DENND1C: variants seen among roughly 807,000 people sequenced by gnomAD.
The protein encoded by DENND1C is DENN domain containing 1C, also known as DENN domain-containing protein 1C.
In DENND1C, 64 loss-of-function variants were observed where a neutral mutation model predicts 87.9. The ratio of observed to expected loss-of-function variants is 0.73; its 90% CI spans 0.60 to 0.90. The LOEUF (loss-of-function observed/expected upper bound fraction) is 0.90. Among genes scored for constraint, DENND1C ranks in the 40% least tolerant of loss-of-function variants. DENND1C has a pLI of 0.00. For missense variants in DENND1C, 980 were observed against 1,037.0 expected (o/e 0.95, Z 0.76); for synonymous variants, 384 against 424.4 (o/e 0.90, Z 1.17).
chr19:6,479,591 AG>A, intron 4 of DENND1C, 77 bp downstream of exon 4: 1 of 1,573,418 alleles, frequency 6.4e-7, no homozygotes, highest in Non-Finnish European at 8.7e-7. Flanking sequence ...CAGATGTCTG[AG>A]TCTCTAGGTG....
At chr19:6,478,545 A>G (rs538150050) in intron 6 of DENND1C, among the ~76,000 whole-genome samples, 2 of 151,732 alleles carry the variant, frequency 1.3e-5, no homozygotes, top group Non-Finnish European at 2.9e-5. Flanking sequence ...CGTGAGCCAC[A>G]GCACTTGGCC....
At chr19:6,469,457 A>AT (rs34754900) in intron 19 of DENND1C, 139 bp downstream of exon 19, 77 of 818,376 alleles carry the variant, frequency 9.4e-5, no homozygotes, top group Non-Finnish European at 1.3e-4. Flanking sequence ...ATTTTTAACT[A>AT]TTTTTTTGTA....
intron 7 of DENND1C, 36 bp downstream of exon 7, chr19:6,477,342 C>A (rs1175719654): frequency 1.2e-6 from 2 of 1,612,248 alleles, no homozygotes. Flanking sequence ...TCCCATCCAC[C>A]TAAGGTCCAG....
chr19:6,479,511 G>C (rs1214779663), intron 4 of DENND1C, among the ~76,000 whole-genome samples, 158 bp downstream of exon 4: 2 of 151,322 alleles, frequency 1.3e-5, no homozygotes, highest in Non-Finnish European at 2.9e-5. Flanking sequence ...AATGTATATA[G>C]GTCCCTAGTT....
Position 6,475,600 on chromosome 19 carries a change from G to C in DENND1C, c.826-15C>G. ...TCTCGTACTCTCTGCGGAAAAGCGG[G>C]GTCGGCCGCTCAGAGCCCGGGAGTC... On this transcript the variant is annotated splice_polypyrimidine_tract_variant and intron_variant, in intron 12 of 22. Transcript: ENST00000381480. 6.2e-7 allele frequency: 1 copy of C among 1,613,990 alleles called. No individual in the cohort carries two copies. The highest frequency in any genetic ancestry group is 8.5e-7 in the Non-Finnish European group (1 of 1,179,862).
intron 10 of DENND1C, chr19:6,476,330 T>A (rs535815440): frequency 5.1e-6 from 1 of 196,996 alleles, no homozygotes; most frequent in Admixed American, 5.9e-5. Flanking sequence ...CCCAAAGAGG[T>A]GGAGCCGGAA....
Position 6,475,735 on chromosome 19 carries a change from G to T in DENND1C, c.796C>A (p.Leu266Ile). 6.3e-7 allele frequency: 1 copy of T among 1,575,072 alleles called. No homozygotes were observed. The highest frequency in any genetic ancestry group is 2.3e-5 in the East Asian group (1 of 42,728). The change falls in exon 12 of 23, where the codon CTC (leucine) becomes ATC (isoleucine). Residue 266 changes from leucine to isoleucine, a missense_variant. Physicochemically the swap from Leu to Ile is conservative, Grantham distance 5. Transcript: ENST00000381480. ...LDYCCAPMPY[L>I]IGVHASLAER... ...GCGAGACTGGCGTGCACTCCAATGA[G>T]GTAGGGCATGGGCGCGCTGCGGACC...
In DENND1C at chr19:6,476,931, C is replaced by G. The variant is rs1419828608; in HGVS notation, c.604G>C (p.Glu202Gln). The change falls in exon 10 of 23, where the codon GAG (glutamate) becomes CAG (glutamine). Residue 202 changes from glutamate to glutamine, a missense_variant. Glu to Gln is a conservative substitution (Grantham distance 29). Transcript: ENST00000381480. ...GCCGCGAACAGCCCCACGATGTTCTCGTCAGTCACGGCCACCACCAGCTCC... is the reference window on the plus strand; with the variant it reads ...GCCGCGAACAGCCCCACGATGTTCTGGTCAGTCACGGCCACCACCAGCTCC... ...LTELVVAVTD[E>Q]NIVGLFAALL... 3.1e-6 allele frequency: 5 copies of G among 1,613,452 alleles called. No individual in the cohort carries two copies. In the South Asian group the frequency reaches 4.4e-5, roughly 14 times the overall value.
intron 6 of DENND1C, among the ~76,000 whole-genome samples, chr19:6,478,444 C>T (rs1021231866): frequency 4.1e-5 from 6 of 144,860 alleles, no homozygotes; most frequent in South Asian, 2.2e-4. Context: ...TTAGTAGAGA[C>T]GGGGCTTCAC....
At chr19:6,478,735 G>A (rs1183346700) in intron 6 of DENND1C, 48 bp downstream of exon 6, 3 of 1,570,748 alleles carry the variant, frequency 1.9e-6, no homozygotes, top group Middle Eastern at 3.5e-4. Context: ...AGGTTGAGGG[G>A]GGTGGGGGCT....
At position 6,467,353 on chromosome 19, in the gene DENND1C, T is replaced by A. The variant is rs1268637838; in HGVS notation, c.*151A>T. ...CTGGAATTCCCTGCTAGGAGCCAGT[T>A]AGAGAGGCTGCCCTTGGAGGGACAG... On this transcript the variant is annotated 3_prime_UTR_variant, in exon 23 of 23. Transcript: ENST00000381480. 1 of 1,074,136 alleles carries A rather than the reference T, an allele frequency of 9.3e-7. No homozygotes were observed. 66.5% of individuals were successfully genotyped at this position (1,074,136 alleles called of 1,614,324 possible). A position where few individuals can be genotyped will look rare whatever the true frequency, so the allele number is the denominator to read the frequency against.
chr19:6,480,052 C>A lies in DENND1C; in HGVS notation c.18-1G>T. The A allele has an allele frequency of 5.6e-6, 9 of 1,605,880 alleles. No homozygotes were observed. Among genetic ancestry groups the A allele is most frequent in the Non-Finnish European group, 7.6e-6 (9 of 1,176,984 alleles). On this transcript the variant is annotated splice_acceptor_variant, in intron 1 of 22. Transcript: ENST00000381480. LOFTEE classifies it high-confidence loss of function. ...ATCAAACACAGCAGGGGAGCCCCCT[C>A]TGTGGGATGCAGAAGGGGTCCAGAG...
In DENND1C at chr19:6,475,571, T is replaced by C. The variant is rs2092854310; in HGVS notation, c.840A>G (p.Lys280=). The change falls in exon 13 of 23, where the codon AAA becomes AAG. Residue 280 remains lysine (K), a synonymous_variant. Transcript: ENST00000381480. The part of the protein sequence containing the change: ...HASLAERVRE[K]ALEDVVVLNV... Reference sequence around the variant, plus strand: ...TCAGCACCACGACGTCCTCCAGGGCTTTTTCTCGTACTCTCTGCGGAAAAG... The same window carrying C: ...TCAGCACCACGACGTCCTCCAGGGCCTTTTCTCGTACTCTCTGCGGAAAAG... 6.2e-7 allele frequency: 1 copy of C among 1,613,956 alleles called. No homozygotes were observed. The highest frequency in any genetic ancestry group is 2.2e-5 in the East Asian group (1 of 44,874).
intron 14 of DENND1C, among the ~76,000 whole-genome samples, chr19:6,473,369 G>A (rs1367580885): frequency 2.0e-5 from 3 of 151,610 alleles, no homozygotes; most frequent in African/African-American, 4.8e-5. Flanking sequence ...TGGCCAGGTT[G>A]GTCTCCATCT....
intron 14 of DENND1C, among the ~76,000 whole-genome samples, chr19:6,473,455 G>GTTT (rs1568396646): frequency 1.2e-4 from 16 of 135,582 alleles, no homozygotes; most frequent in Admixed American, 2.2e-4. Context: ...GCCCAGCCCT[G>GTTT]GTTTTTTTTT....
chr19:6,476,087 A>T lies in DENND1C; in HGVS notation c.679-150T>A, dbSNP rs188670260. 87 of 743,470 alleles carry T rather than the reference A, an allele frequency of 1.2e-4. No individual in the cohort carries two copies. In the African/African-American group the frequency reaches 1.5e-3, roughly 12 times the overall value. 46.1% of individuals were successfully genotyped at this position (743,470 alleles called of 1,614,324 possible). A position where few individuals can be genotyped will look rare whatever the true frequency, so the allele number is the denominator to read the frequency against. On this transcript the variant is annotated intron_variant, in intron 10 of 22. Coordinates refer to ENST00000381480, the MANE Select transcript of DENND1C (RefSeq NM_024898.4). ...GACAACTCGAACCCCTTTAGAAATC[A>T]TGTGGAGACCAGGAATTTGGCCACT...
chr19:6,477,979 G>A (rs1420924481), intron 6 of DENND1C, among the ~76,000 whole-genome samples: 1 of 151,664 alleles, frequency 6.6e-6, no homozygotes, highest in Non-Finnish European at 1.5e-5. Context: ...GGAGACTGAG[G>A]CGGAAGAATC....
Position 6,468,627 on chromosome 19 carries a change from T to C in DENND1C, c.1534A>G (p.Ser512Gly), listed in dbSNP as rs201009705. 190 of 1,496,556 alleles carry C rather than the reference T, an allele frequency of 1.3e-4. No individual in the cohort carries two copies. The African/African-American group carries it at 2.5e-3, about 19-fold the overall frequency. The allele number at this position is 1,496,556 out of a possible 1,614,324, so 92.7% of individuals were successfully genotyped here. A position where few individuals can be genotyped will look rare whatever the true frequency, so the allele number is the denominator to read the frequency against. ...HFGKNRPLRP[S>G]RRRQLEEGTS... is the part of the protein sequence containing the mutation. ...CCCTCTTCCAGCTGGCGTCTCCTGC[T>C]GGGGCGAAGGGGCCGGTTCTGCAAA... The change falls in exon 21 of 23, where the codon AGC (serine) becomes GGC (glycine). Residue 512 changes from serine to glycine, a missense_variant. Physicochemically the swap from Ser to Gly is moderately conservative, Grantham distance 56. Coordinates refer to ENST00000381480, the MANE Select transcript of DENND1C (RefSeq NM_024898.4).
At position 6,475,228 on chromosome 19, in the gene DENND1C, A is replaced by G. The variant is rs376643962; in HGVS notation, c.1053+46T>C. ...TGTACCTATCGTTACATTGCGATTC[A>G]TTCAGGAACCCACGAGACCTCTCCC... On this transcript the variant is annotated intron_variant, in intron 14 of 22. Coordinates refer to ENST00000381480, the MANE Select transcript of DENND1C (RefSeq NM_024898.4). The G allele has an allele frequency of 9.3e-5, 149 of 1,608,852 alleles. No homozygotes were observed. In the African/African-American group the frequency reaches 1.9e-3, roughly 20 times the overall value.
Sources: gnomAD v4.1 joint callset for allele counts (sites outside exome capture counted in the v4.1 genomes callset) on GRCh38, gnomAD v4.1.1 for gene constraint, MANE v1.5 for transcripts, NCBI Gene and HGNC (gene_info 2026-07-23, HGNC 2026-07-21) for gene names.